Variants in LINGO2 observed in about 807,000 individuals in gnomAD.
The protein encoded by LINGO2 is leucine rich repeat and Ig domain containing 2, also known as leucine-rich repeat and immunoglobulin-like domain-containing nogo receptor-interacting protein 2.
A neutral mutation model predicts 30.6 loss-of-function variants in LINGO2; 14 were observed. The ratio of observed to expected loss-of-function variants is 0.46; its 90% CI spans 0.30 to 0.72. The LOEUF is 0.72. LINGO2 is among the 30% of genes least tolerant of loss of function. The pLI is 0.07. For missense variants in LINGO2, 729 were observed against 751.7 expected (o/e 0.97, Z 0.35); for synonymous variants, 317 against 288.5 (o/e 1.10, Z -1.00).
the LINGO2 span, among the ~76,000 whole-genome samples, chr9:29,144,540 C>T: frequency 2.6e-5 from 4 of 152,048 alleles, no homozygotes; most frequent in African/African-American, 9.7e-5. Flanking sequence ...AGTTGAGTAA[C>T]AGCCTGGTCC....
In LINGO2 at chr9:28,409,005, CAT is replaced by C. The variant is rs201858732; in HGVS notation, c.-278-36139_-278-36138del. ...TTTAATGCCATATTCACCATATTACCATATGACACTAAGAACACAGGACAGGT... is the reference window on the plus strand; with the variant it reads ...TTTAATGCCATATTCACCATATTACCATGACACTAAGAACACAGGACAGGT... On this transcript the variant is annotated intron_variant, in intron 2 of 5. Coordinates refer to ENST00000379992, the Ensembl canonical transcript of LINGO2. Among the ~76,000 whole-genome samples the C allele has an allele frequency of 7.2e-3, 1,090 of 152,060 alleles. 16 individuals are homozygous for C. Among genetic ancestry groups the C allele is most frequent in the African/African-American group, 0.024 (1,005 of 41,496 alleles).
chr9:28,656,227 TG>T (rs1421535705), intron 1 of LINGO2, among the ~76,000 whole-genome samples: 11 of 152,180 alleles, frequency 7.2e-5, no homozygotes, highest in Non-Finnish European at 1.6e-4. Context: ...TTAAAGTATT[TG>T]TTCTAAAGCA....
the LINGO2 span, among the ~76,000 whole-genome samples, chr9:28,781,147 G>C: frequency 6.6e-6 from 1 of 152,060 alleles, no homozygotes; most frequent in East Asian, 1.9e-4. Flanking sequence ...CTTACATTAT[G>C]TAATAGGCAG....
At chr9:28,223,942 G>GA (rs1821054554) in intron 4 of LINGO2, among the ~76,000 whole-genome samples, 1 of 152,202 alleles carries the variant, frequency 6.6e-6, no homozygotes, top group Non-Finnish European at 1.5e-5. Context: ...TGATAGCAAA[G>GA]ATGACAAGTA....
the LINGO2 span, among the ~76,000 whole-genome samples, chr9:29,134,704 T>C: frequency 6.6e-6 from 1 of 152,106 alleles, no homozygotes; most frequent in African/African-American, 2.4e-5. Flanking sequence ...ATTTAGCCAT[T>C]CTCTTATTGT....
the LINGO2 span, among the ~76,000 whole-genome samples, chr9:28,989,412 T>A: frequency 1.5e-4 from 23 of 152,170 alleles, no homozygotes; most frequent in African/African-American, 5.3e-4. Flanking sequence ...CTGTTTACTA[T>A]TTACATTCAC....
intron 5 of LINGO2, among the ~76,000 whole-genome samples, chr9:27,970,449 T>G (rs183340829): frequency 6.6e-6 from 1 of 152,310 alleles, no homozygotes; most frequent in East Asian, 1.9e-4. Flanking sequence ...GAAAAACATG[T>G]CTAAAATCAA....
chr9:27,985,329 A>T (rs997007458), intron 5 of LINGO2, among the ~76,000 whole-genome samples: 1 of 151,932 alleles, frequency 6.6e-6, no homozygotes, highest in East Asian at 1.9e-4. Context: ...ACAGCTCCAC[A>T]ACAAGGCATC....
chr9:29,144,552 A>C, the LINGO2 span, among the ~76,000 whole-genome samples: 278 of 152,250 alleles, frequency 1.8e-3, no homozygotes, highest in Non-Finnish European at 3.2e-3. Context: ...GCCTGGTCCC[A>C]AGGCAGCTCT....
chr9:28,527,417 G>A (rs994494446), intron 1 of LINGO2, among the ~76,000 whole-genome samples: 1 of 152,144 alleles, frequency 6.6e-6, no homozygotes, highest in African/African-American at 2.4e-5. Flanking sequence ...AATAGGTAAA[G>A]TCCATGTTCT....
At chr9:29,067,633 ATACT>A in the LINGO2 span, among the ~76,000 whole-genome samples, 1 of 151,580 alleles carries the variant, frequency 6.6e-6, no homozygotes, top group Non-Finnish European at 1.5e-5. Flanking sequence ...TATGTTGGAA[ATACT>A]TATTTAAAGA....
the LINGO2 span, among the ~76,000 whole-genome samples, chr9:28,936,503 C>A: frequency 5.7e-4 from 87 of 152,222 alleles, 1 homozygote; most frequent in South Asian, 0.017. Flanking sequence ...ACTTAATGGA[C>A]AATAAAACTG....
At chr9:28,556,438 A>G in intron 1 of LINGO2, among the ~76,000 whole-genome samples, 1 of 152,120 alleles carries the variant, frequency 6.6e-6, no homozygotes, top group East Asian at 1.9e-4. Flanking sequence ...CCAACTTACA[A>G]GGGATGTGAA....
chr9:28,461,099 C>T (rs1012550781), intron 2 of LINGO2, among the ~76,000 whole-genome samples: 10 of 151,976 alleles, frequency 6.6e-5, no homozygotes, highest in African/African-American at 2.2e-4. Flanking sequence ...GAAGAAAAAT[C>T]TACAGTTTGC....
exon 6 of LINGO2, chr9:27,950,196 T>C: frequency 6.2e-7 from 1 of 1,614,034 alleles, no homozygotes; most frequent in Non-Finnish European, 8.5e-7. Context: ...GTCCCCCACT[T>C]CTAGAGACTT....
intron 1 of LINGO2, among the ~76,000 whole-genome samples, chr9:28,626,391 T>C (rs1826678860): frequency 6.6e-6 from 1 of 152,072 alleles, no homozygotes; most frequent in Admixed American, 6.6e-5. Flanking sequence ...AGGAAAAAAA[T>C]GTTTACTTTT....
chr9:28,217,190 G>A (rs1425811897), intron 4 of LINGO2, among the ~76,000 whole-genome samples: 1 of 150,870 alleles, frequency 6.6e-6, no homozygotes, highest in Admixed American at 6.6e-5. Flanking sequence ...TTGATTGAGT[G>A]GTGTATTATT....
chr9:28,415,275 C>A lies in LINGO2; in HGVS notation c.-278-42407G>T, dbSNP rs973854399. ...AATCCCTGTCTCAGTAACTCCAGGA[C>A]CTTGGGTCTTTCTCTTAGCTCCCTC... is the stretch of plus-strand genomic sequence containing the variant. On this transcript the variant is annotated intron_variant, in intron 2 of 5. Coordinates refer to ENST00000379992, the Ensembl canonical transcript of LINGO2. 3.3e-5 allele frequency among the ~76,000 whole-genome samples: 5 copies of A among 152,098 alleles called. No homozygotes were observed. The East Asian group carries it at 9.6e-4, about 29-fold the overall frequency.
the LINGO2 span, among the ~76,000 whole-genome samples, chr9:28,730,494 C>G: frequency 5.3e-5 from 8 of 152,212 alleles, no homozygotes; most frequent in East Asian, 5.8e-4. Context: ...CAGCAAAAGT[C>G]CATCTAAAAG....
Sources: allele counts gnomAD v4.1 joint callset (sites outside exome capture counted in the v4.1 genomes callset), GRCh38; gene constraint gnomAD v4.1.1; transcripts MANE v1.5; gene names NCBI Gene and HGNC (gene_info 2026-07-23, HGNC 2026-07-21).